Variants in MPHOSPH9 observed in about 807,000 individuals in gnomAD.
The protein encoded by MPHOSPH9 is M-phase phosphoprotein 9.
A neutral mutation model predicts 145.5 loss-of-function variants in MPHOSPH9; 88 were observed. The ratio of observed to expected loss-of-function variants is 0.60; its 90% CI spans 0.51 to 0.72. The LOEUF (loss-of-function observed/expected upper bound fraction) is 0.72, where lower values mean the gene tolerates loss of function less well. MPHOSPH9 is among the 30% of genes least tolerant of loss of function. The pLI is 0.00. For missense variants in MPHOSPH9, 1,238 were observed against 1,386.6 expected, an observed-to-expected ratio of 0.89 and a Z score of 1.70; for synonymous variants, 435 against 486.2, an observed-to-expected ratio of 0.89 and a Z score of 1.39.
chr12:123,207,739 G>A (rs552568567), intron 8 of MPHOSPH9, among the ~76,000 whole-genome samples: 1 of 151,932 alleles, frequency 6.6e-6, no homozygotes, highest in Non-Finnish European at 1.5e-5. Context: ...TGTAATCCCA[G>A]CTACTTGGAA....
intron 7 of MPHOSPH9, among the ~76,000 whole-genome samples, chr12:123,211,445 C>T (rs1457151762): frequency 6.6e-6 from 1 of 151,516 alleles, no homozygotes; most frequent in African/African-American, 2.4e-5. Flanking sequence ...CTCAACCTTC[C>T]AGGTTCAAGA....
chr12:123,175,971 G>A (rs954988084), intron 16 of MPHOSPH9, among the ~76,000 whole-genome samples: 2 of 151,890 alleles, frequency 1.3e-5, no homozygotes, highest in African/African-American at 4.8e-5. Context: ...GGACTCTAGC[G>A]ATCCTCCCAC....
At chr12:123,189,731 G>C (rs932336390) in intron 13 of MPHOSPH9, among the ~76,000 whole-genome samples, 2 of 151,982 alleles carry the variant, frequency 1.3e-5, no homozygotes, top group African/African-American at 4.8e-5. Flanking sequence ...TCAGGAGATC[G>C]AGACCATCCT....
At chr12:123,166,295 TG>T (rs2044314172) in intron 17 of MPHOSPH9, 1 of 228,068 alleles carries the variant, frequency 4.4e-6, no homozygotes, top group Non-Finnish European at 8.5e-6. Flanking sequence ...TTTGTAGAGG[TG>T]GGATTTTGTC....
intron 7 of MPHOSPH9, among the ~76,000 whole-genome samples, chr12:123,212,014 G>A (rs1424698518): frequency 6.6e-6 from 1 of 152,114 alleles, no homozygotes; most frequent in Non-Finnish European, 1.5e-5. Flanking sequence ...TTTGTGAGTA[G>A]TATAGACATA....
chr12:123,235,260 T>A (rs1365559387), upstream of MPHOSPH9, among the ~76,000 whole-genome samples: 1 of 152,188 alleles, frequency 6.6e-6, no homozygotes, highest in African/African-American at 2.4e-5. Context: ...AGTTACCCAG[T>A]AAGTAAATTG....
At chr12:123,238,286 C>T (rs78866909) in intron 1 of MPHOSPH9, among the ~76,000 whole-genome samples, 6,023 of 152,144 alleles carry the variant, frequency 0.04, 260 homozygotes, top group East Asian at 0.25. Flanking sequence ...ACCTGCTGGC[C>T]GTTTTGTCTT....
chr12:123,205,069 CA>C (rs2046367980), intron 8 of MPHOSPH9, among the ~76,000 whole-genome samples: 1 of 152,156 alleles, frequency 6.6e-6, no homozygotes, highest in Non-Finnish European at 1.5e-5. Flanking sequence ...AAACTGTGAA[CA>C]CTGTCACAAA....
At chr12:123,200,297 C>T (rs1308332118) in intron 11 of MPHOSPH9, among the ~76,000 whole-genome samples, 3 of 150,534 alleles carry the variant, frequency 2.0e-5, no homozygotes, top group Non-Finnish European at 4.4e-5. Flanking sequence ...CTCTGTAACA[C>T]AGCTTTTTTT....
At chr12:123,170,257 C>T (rs968137346) in intron 16 of MPHOSPH9, among the ~76,000 whole-genome samples, 3 of 152,106 alleles carry the variant, frequency 2.0e-5, no homozygotes, top group African/African-American at 7.2e-5. Flanking sequence ...ATTCTCCTGC[C>T]TCAGCCCTGT....
In MPHOSPH9 at chr12:123,202,604, C is replaced by A. The variant is rs773300669; in HGVS notation, c.1781+20G>T. 18 of 1,582,996 alleles carry A rather than the reference C, an allele frequency of 1.1e-5. No homozygotes were observed. Among genetic ancestry groups the A allele is most frequent in the Non-Finnish European group, 1.6e-5 (18 of 1,155,478 alleles). Reference sequence around the variant, plus strand: ...ACAGAAAATCTATTAACATTACAAGCCATTCACTGAAATACATACTTAGAC... The same window carrying A: ...ACAGAAAATCTATTAACATTACAAGACATTCACTGAAATACATACTTAGAC... On this transcript the variant is annotated intron_variant, in intron 10 of 23. Transcript: ENST00000606320.
At chr12:123,158,152 G>A (rs1182956613) in intron 23 of MPHOSPH9, among the ~76,000 whole-genome samples, 4 of 151,958 alleles carry the variant, frequency 2.6e-5, no homozygotes, top group African/African-American at 9.7e-5. Flanking sequence ...ACCATGCCCG[G>A]CTCATTTTCA....
At chr12:123,226,219 AT>A (rs1198204583) in intron 3 of MPHOSPH9, 2 of 595,062 alleles carry the variant, frequency 3.4e-6, no homozygotes, top group African/African-American at 2.0e-5. Context: ...TGAAAACTCA[AT>A]TTTTTAAGCA....
Position 123,166,747 on chromosome 12 carries a change from A to C in MPHOSPH9, c.2499T>G (p.Ile833Met). 8 of 1,614,032 alleles carry C rather than the reference A, an allele frequency of 5.0e-6. No homozygotes were observed. The highest frequency in any genetic ancestry group is 6.8e-6 in the Non-Finnish European group (8 of 1,179,998). The change falls in exon 17 of 24, where the codon ATT becomes ATG. Residue 833 changes from isoleucine to methionine, a missense_variant. Ile to Met is a conservative substitution (Grantham distance 10). This residue lies in a region of MPHOSPH9 where 393 missense variants were observed against 462.5 expected (regional missense o/e 0.85). Coordinates refer to ENST00000606320, the MANE Select transcript of MPHOSPH9 (RefSeq NM_022782.4). ...TSDVSRRKWL[I>M]PGAEYSIFTG... ...TAAAGATGGAATACTCTGCACCTGG[A>C]ATCAGCCATTTCCGCCTGCTGACGT...
Position 123,221,188 on chromosome 12 carries a change from A to G in MPHOSPH9, c.872+184T>C, listed in dbSNP as rs548172536. On this transcript the variant is annotated intron_variant, in intron 5 of 23. Coordinates refer to ENST00000606320, the MANE Select transcript of MPHOSPH9 (RefSeq NM_022782.4). ...CCGACCTTAAGAGTTTAGTAGTCTTATAACATTACAGATGGGAAGAAAGTC... is the reference window on the plus strand; with the variant it reads ...CCGACCTTAAGAGTTTAGTAGTCTTGTAACATTACAGATGGGAAGAAAGTC... Among the ~76,000 whole-genome samples, 30 of 152,366 alleles carry G rather than the reference A, an allele frequency of 2.0e-4. No individual in the cohort carries two copies. The East Asian group carries it at 5.4e-3, about 27-fold the overall frequency.
At chr12:123,230,079 A>C in intron 2 of MPHOSPH9, 182 bp downstream of exon 2, 1 of 429,498 alleles carries the variant, frequency 2.3e-6, no homozygotes, top group Non-Finnish European at 4.2e-6. Context: ...GCCTCAGCCT[A>C]CCAAGGTGCT....
downstream of MPHOSPH9, chr12:123,152,644 A>T (rs570795640): frequency 4.0e-5 from 18 of 454,604 alleles, no homozygotes; most frequent in South Asian, 2.5e-4. Context: ...ATAAAGTACA[A>T]ATCAGGCAGA....
chr12:123,228,427 C>T (rs1341283872), intron 2 of MPHOSPH9, among the ~76,000 whole-genome samples: 3 of 152,172 alleles, frequency 2.0e-5, no homozygotes, highest in African/African-American at 2.4e-5. Context: ...CAGTGGCTCA[C>T]GCCTGTAATC....
chr12:123,226,499 T>A (rs1198685108), intron 3 of MPHOSPH9: 2 of 183,712 alleles, frequency 1.1e-5, no homozygotes, highest in Non-Finnish European at 2.1e-5. Context: ...AGCATTATCC[T>A]ATGAAATAAA....
Sources: gnomAD v4.1 joint callset for allele counts (sites outside exome capture counted in the v4.1 genomes callset) on GRCh38, gnomAD v4.1.1 for gene constraint, gnomAD v4.1.1 regional missense constraint, MANE v1.5 for transcripts, NCBI Gene and HGNC (gene_info 2026-07-23, HGNC 2026-07-21) for gene names.